Variants in RPS6KB1 observed in about 807,000 individuals in gnomAD.
RPS6KB1 encodes the protein ribosomal protein S6 kinase beta-1.
In RPS6KB1, 12 loss-of-function variants were observed where a neutral mutation model predicts 70.2. The ratio of observed to expected loss-of-function variants is 0.17; its 90% confidence interval spans 0.11 to 0.28. The LOEUF is 0.28. RPS6KB1 is among the 10% of genes least tolerant of loss of function. The pLI is 1.00. For synonymous variants in RPS6KB1, 175 were observed against 211.2 expected (o/e 0.83, Z 1.49); for missense variants, 270 against 646.6 (o/e 0.42, Z 6.32).
At chr17:59,911,989 C>T (rs534018719) in intron 2 of RPS6KB1, among the ~76,000 whole-genome samples, 2 of 152,262 alleles carry the variant, frequency 1.3e-5, no homozygotes, top group East Asian at 3.9e-4. Context: ...TTGGAAAGAT[C>T]CCTGATTTTC....
Position 59,926,431 on chromosome 17 carries a change from T to A in RPS6KB1, c.382-4T>A. The A allele has an allele frequency of 6.3e-7, 1 of 1,587,476 alleles. No homozygotes were observed. ...GTTCTTATAGATGATCTCTTTTCCT[T>A]TAGGCAATGATAGTAAGAAATGCTA... On this transcript the variant is annotated splice_polypyrimidine_tract_variant and splice_region_variant and intron_variant, in intron 4 of 14. Transcript: ENST00000225577.
chr17:59,909,314 C>T (rs1240657357), intron 1 of RPS6KB1, among the ~76,000 whole-genome samples: 2 of 123,780 alleles, frequency 1.6e-5, no homozygotes, highest in South Asian at 2.8e-4. Context: ...GTTGCCCAGG[C>T]TAGAGTGCAG....
chr17:59,947,974 A>G lies in RPS6KB1; in HGVS notation c.*1186A>G. 5.3e-6 allele frequency: 1 copy of G among 189,886 alleles called. No individual in the cohort carries two copies. Among genetic ancestry groups the G allele is most frequent in the Non-Finnish European group, 1.1e-5 (1 of 93,506 alleles). 11.8% of individuals were successfully genotyped at this position (189,886 alleles called of 1,614,324 possible). A position where few individuals can be genotyped will look rare whatever the true frequency, so the allele number is the denominator to read the frequency against. On this transcript the variant is annotated 3_prime_UTR_variant, in exon 15 of 15. Coordinates refer to ENST00000225577, the MANE Select transcript of RPS6KB1 (RefSeq NM_003161.4). ...CAGTTTTAAAAAGAAAAAAAGGTCT[A>G]TTTTTTTTTCTCCTATACTTGGGCT...
chr17:59,942,904 C>T (rs558822404), intron 13 of RPS6KB1, among the ~76,000 whole-genome samples: 4 of 151,544 alleles, frequency 2.6e-5, no homozygotes, highest in Admixed American at 6.6e-5. Context: ...CACTTGAACC[C>T]GGGAGGCAGA....
chr17:59,914,401 ATAAAGTAACAGTGTTTAT>A (rs1234228644), intron 3 of RPS6KB1, among the ~76,000 whole-genome samples: 2 of 152,208 alleles, frequency 1.3e-5, no homozygotes, highest in Non-Finnish European at 2.9e-5. Flanking sequence ...ATATATTAAT[ATAAAGTAACAGTGTTTAT>A]TATTAGATGG....
intron 5 of RPS6KB1, among the ~76,000 whole-genome samples, chr17:59,928,495 A>G (rs578084539): frequency 8.3e-4 from 126 of 151,472 alleles, no homozygotes; most frequent in African/African-American, 2.6e-3. Flanking sequence ...GATTACAGGC[A>G]CCCACCACCA....
At chr17:59,917,882 A>G (rs142504425) in intron 4 of RPS6KB1, among the ~76,000 whole-genome samples, 1 of 152,204 alleles carries the variant, frequency 6.6e-6, no homozygotes, top group East Asian at 1.9e-4. Context: ...CCGATCATCT[A>G]ATTTTTCTTA....
intron 12 of RPS6KB1, among the ~76,000 whole-genome samples, chr17:59,937,360 A>G (rs2044303678): frequency 1.3e-5 from 2 of 152,204 alleles, no homozygotes; most frequent in African/African-American, 4.8e-5. Flanking sequence ...AGTATAGAAT[A>G]TGTGTGCATT....
intron 12 of RPS6KB1, among the ~76,000 whole-genome samples, chr17:59,937,246 T>C (rs2044297445): frequency 1.3e-5 from 2 of 152,354 alleles, no homozygotes; most frequent in Admixed American, 1.3e-4. Flanking sequence ...GTCAGTTACC[T>C]AAGACAAATA....
At chr17:59,942,057 A>G (rs1228174513) in intron 13 of RPS6KB1, among the ~76,000 whole-genome samples, 1 of 151,948 alleles carries the variant, frequency 6.6e-6, no homozygotes, top group African/African-American at 2.4e-5. Flanking sequence ...ACGGGGTTTC[A>G]TCGTGTTAGC....
chr17:59,906,340 G>T (rs185335242), intron 1 of RPS6KB1, among the ~76,000 whole-genome samples: 1 of 151,938 alleles, frequency 6.6e-6, no homozygotes, highest in East Asian at 1.9e-4. Flanking sequence ...CAGTTATTTT[G>T]GGTCCCTTGC....
chr17:59,910,661 G>T (rs577114879), intron 2 of RPS6KB1, 50 bp downstream of exon 2: 1 of 1,162,650 alleles, frequency 8.6e-7, no homozygotes, highest in East Asian at 2.4e-5. Context: ...TTACAAGTAG[G>T]TTTTATCAGT....
rs1157945511 is a variant in RPS6KB1 at position 59,947,133 on chromosome 17, G to A, written c.*345G>A. ...ATCACTGTTGAGTTCTGATTGTGTT[G>A]AAGAAGGGTTATCCTTTCATTAGGC... On this transcript the variant is annotated 3_prime_UTR_variant, in exon 15 of 15. Transcript: ENST00000225577. 9.1e-7 allele frequency: 1 copy of A among 1,096,614 alleles called. No individual in the cohort carries two copies. The highest frequency in any genetic ancestry group is 1.1e-6 in the Non-Finnish European group (1 of 898,614). 67.9% of individuals were successfully genotyped at this position (1,096,614 alleles called of 1,614,324 possible). A position where few individuals can be genotyped will look rare whatever the true frequency, so the allele number is the denominator to read the frequency against.
chr17:59,927,506 A>G (rs2043680568), intron 5 of RPS6KB1, among the ~76,000 whole-genome samples: 1 of 149,966 alleles, frequency 6.7e-6, no homozygotes, highest in Non-Finnish European at 1.5e-5. Flanking sequence ...CATTGGAAAA[A>G]CTTTTTTTTT....
chr17:59,910,221 A>G (rs888425222), intron 1 of RPS6KB1, among the ~76,000 whole-genome samples: 1 of 150,796 alleles, frequency 6.6e-6, no homozygotes, highest in African/African-American at 2.4e-5. Flanking sequence ...CCGGGTGCCT[A>G]TAGTCCCAGC....
intron 4 of RPS6KB1, among the ~76,000 whole-genome samples, chr17:59,925,742 G>A (rs144325295): frequency 7.9e-5 from 12 of 152,134 alleles, no homozygotes; most frequent in African/African-American, 2.2e-4. Flanking sequence ...TTTCCCAGAC[G>A]TATTCTGTCC....
chr17:59,897,904 G>A (rs939490734), intron 1 of RPS6KB1, among the ~76,000 whole-genome samples: 2 of 151,150 alleles, frequency 1.3e-5, no homozygotes, highest in African/African-American at 4.9e-5. Flanking sequence ...GGTGGAGGTT[G>A]CAGTGAGCCA....
chr17:59,917,275 G>C (rs564937562), intron 4 of RPS6KB1, among the ~76,000 whole-genome samples: 2 of 151,546 alleles, frequency 1.3e-5, no homozygotes, highest in East Asian at 3.9e-4. Context: ...CGCACCACCA[G>C]GCCTGGCTAA....
At chr17:59,904,498 A>G (rs1246947014) in intron 1 of RPS6KB1, among the ~76,000 whole-genome samples, 2 of 150,614 alleles carry the variant, frequency 1.3e-5, no homozygotes, top group Non-Finnish European at 3.0e-5. Context: ...GGTTCAAGCA[A>G]TTCTCCTGCC....
Sources: allele counts gnomAD v4.1 joint callset (sites outside exome capture counted in the v4.1 genomes callset), GRCh38; gene constraint gnomAD v4.1.1; transcripts MANE v1.5; gene names NCBI Gene and HGNC (gene_info 2026-07-23, HGNC 2026-07-21).